The following PLEKHA8 variants were observed in gnomAD, a reference collection of about 807,000 sequenced individuals.
PLEKHA8 encodes the protein pleckstrin homology domain-containing family A member 8.
Under a neutral mutation model 68.2 loss-of-function variants are expected in PLEKHA8, and 36 were observed. That is an observed-to-expected ratio of 0.53 (90% CI 0.40 to 0.70). The LOEUF (loss-of-function observed/expected upper bound fraction) is 0.70. Ranked by LOEUF, PLEKHA8 falls within the 30% of genes least tolerant of loss-of-function variation. The pLI is 0.00. For synonymous variants in PLEKHA8, 211 were observed against 216.1 expected (o/e 0.98, Z 0.20); for missense variants, 505 against 615.4 (o/e 0.82, Z 1.90).
In PLEKHA8 at chr7:30,111,266, T is replaced by G. The variant is rs139463646; in HGVS notation, c.1363-18000T>G. On this transcript the variant is annotated intron_variant, in intron 13 of 13. Transcript: ENST00000396257. Reference sequence around the variant, plus strand: ...TGCAAGTCCCTCTTCATGTATATGATTTTCAAATATTTTCAAATATTTGAA... The same window carrying G: ...TGCAAGTCCCTCTTCATGTATATGAGTTTCAAATATTTTCAAATATTTGAA... Among the ~76,000 whole-genome samples, 348 of 152,234 alleles carry G rather than the reference T, an allele frequency of 2.3e-3. 7 individuals are homozygous for G. In the East Asian group the frequency reaches 0.055, roughly 24 times the overall value.
intron 13 of PLEKHA8, among the ~76,000 whole-genome samples, chr7:30,114,381 C>T (rs188734019): frequency 2.6e-5 from 4 of 152,328 alleles, no homozygotes; most frequent in Non-Finnish European, 4.4e-5. Context: ...AAGTGACACA[C>T]CCAAGGTCAC....
At position 30,099,921 on chromosome 7, in the gene PLEKHA8, T is replaced by C. The variant is rs1365190500; in HGVS notation, c.1362+25789T>C. ...AAAACAACAGAAATGTATCCTCTCA[T>C]AGTTCTGGAGACTGGAAGTCCAAAA... On this transcript the variant is annotated intron_variant, in intron 13 of 13. Coordinates refer to the PLEKHA8 transcript ENST00000396257. Among the ~76,000 whole-genome samples the C allele has an allele frequency of 2.0e-5, 3 of 152,214 alleles. No homozygotes were observed. The East Asian group carries it at 5.8e-4, about 29-fold the overall frequency.
In PLEKHA8 at chr7:30,082,273, C is replaced by T; in HGVS notation, c.*3486C>T. 1.0e-6 allele frequency: 1 copy of T among 985,486 alleles called. No homozygotes were observed. Among genetic ancestry groups the T allele is most frequent in the Non-Finnish European group, 1.2e-6 (1 of 829,962 alleles). 61.0% of individuals were successfully genotyped at this position (985,486 alleles called of 1,614,324 possible). ...TCCAGCGTTGTTGCTTTTCTCTCTT[C>T]TTTGCTACTGAAAATTGCCAGCAGT... On this transcript the variant is annotated 3_prime_UTR_variant, in exon 14 of 14. Transcript: ENST00000449726.
intron 9 of PLEKHA8, among the ~76,000 whole-genome samples, chr7:30,058,656 A>G (rs1456454051): frequency 6.6e-6 from 1 of 152,118 alleles, no homozygotes; most frequent in Non-Finnish European, 1.5e-5. Context: ...CTTAATTATT[A>G]TAAGGCTTGA....
intron 13 of PLEKHA8, among the ~76,000 whole-genome samples, chr7:30,100,500 A>AG (rs61689284): frequency 0.14 from 21,858 of 152,014 alleles, 1,590 homozygotes; most frequent in Middle Eastern, 0.19. Flanking sequence ...TGCAGGGAGC[A>AG]AGATCACACC....
chr7:30,056,354 A>C, intron 9 of PLEKHA8, among the ~76,000 whole-genome samples: 1 of 130,102 alleles, frequency 7.7e-6, no homozygotes, highest in African/African-American at 2.9e-5. Flanking sequence ...TATAATATAT[A>C]TAACACATAT....
At chr7:30,103,583 A>G (rs1160533806) in intron 13 of PLEKHA8, among the ~76,000 whole-genome samples, 1 of 152,236 alleles carries the variant, frequency 6.6e-6, no homozygotes, top group Admixed American at 6.5e-5. Context: ...GTAAAGGTCC[A>G]TGGGACGAGA....
intron 12 of PLEKHA8, among the ~76,000 whole-genome samples, chr7:30,063,906 C>G (rs753716698): frequency 2.6e-5 from 4 of 152,188 alleles, no homozygotes; most frequent in Non-Finnish European, 5.9e-5. Context: ...ATTCCTGGGC[C>G]ACCTGCATTT....
intron 13 of PLEKHA8, chr7:30,116,004 GCA>G (rs1562558721): frequency 7.1e-6 from 1 of 140,778 alleles, no homozygotes; most frequent in African/African-American, 2.6e-5. Flanking sequence ...GCATACATAC[GCA>G]TACATACGCA....
At chr7:30,048,106 C>A in intron 4 of PLEKHA8, 150 bp downstream of exon 4, 1 of 392,844 alleles carries the variant, frequency 2.5e-6, no homozygotes, top group Non-Finnish European at 3.8e-6. Context: ...GTGGTGTTTA[C>A]TCTCATCTAA....
chr7:30,075,528 A>G (rs1482794968), intron 13 of PLEKHA8, among the ~76,000 whole-genome samples: 1 of 152,224 alleles, frequency 6.6e-6, no homozygotes, highest in Non-Finnish European at 1.5e-5. Context: ...GTCTAAACTC[A>G]GATCTGTTAT....
chr7:30,045,628 C>T (rs1026289467), intron 2 of PLEKHA8, among the ~76,000 whole-genome samples: 2 of 152,098 alleles, frequency 1.3e-5, no homozygotes, highest in Non-Finnish European at 2.9e-5. Flanking sequence ...TTGTTTTTGT[C>T]TTGAGACATG....
intron 12 of PLEKHA8, among the ~76,000 whole-genome samples, chr7:30,064,431 T>C (rs1793674129): frequency 6.6e-6 from 1 of 152,090 alleles, no homozygotes; most frequent in Non-Finnish European, 1.5e-5. Flanking sequence ...TAGTCCCAGC[T>C]ACTTAGGGGG....
downstream of PLEKHA8, among the ~76,000 whole-genome samples, chr7:30,089,008 A>G (rs1438468380): frequency 6.6e-6 from 1 of 152,066 alleles, no homozygotes; most frequent in Non-Finnish European, 1.5e-5. Context: ...TTAAGAGACA[A>G]ACCCACATTC....
intron 13 of PLEKHA8, among the ~76,000 whole-genome samples, chr7:30,103,810 A>G (rs1048610566): frequency 1.3e-5 from 2 of 152,268 alleles, no homozygotes; most frequent in Non-Finnish European, 2.9e-5. Flanking sequence ...AATTTCGGAT[A>G]AAGCTCCTAC....
downstream of PLEKHA8, among the ~76,000 whole-genome samples, chr7:30,087,861 GAATTAC>G (rs1344780947): frequency 1.3e-5 from 2 of 152,182 alleles, no homozygotes; most frequent in East Asian, 3.8e-4. Context: ...GATACTTTAT[GAATTAC>G]AACTTAAGGA....
intron 1 of PLEKHA8, among the ~76,000 whole-genome samples, chr7:30,035,756 A>G (rs1791016133): frequency 6.6e-6 from 1 of 151,654 alleles, no homozygotes; most frequent in South Asian, 2.1e-4. Flanking sequence ...GCAGTTCTCT[A>G]CCTCAGCCTC....
chr7:30,048,734 G>T (rs1335775408), intron 4 of PLEKHA8, among the ~76,000 whole-genome samples: 2 of 151,542 alleles, frequency 1.3e-5, no homozygotes, highest in African/African-American at 4.9e-5. Context: ...TAGTACATGT[G>T]TTTCGAGTTT....
downstream of PLEKHA8, among the ~76,000 whole-genome samples, chr7:30,086,653 G>C (rs995415642): frequency 2.0e-5 from 3 of 152,158 alleles, no homozygotes; most frequent in Non-Finnish European, 2.9e-5. Context: ...TGCATTTTCT[G>C]TTCTACCATC....
Sources: gnomAD v4.1 joint callset for allele counts (sites outside exome capture counted in the v4.1 genomes callset) on GRCh38, gnomAD v4.1.1 for gene constraint, MANE v1.5 for transcripts, NCBI Gene and HGNC (gene_info 2026-07-23, HGNC 2026-07-21) for gene names.